ERC1: variants seen among roughly 807,000 people sequenced by gnomAD.
ERC1 encodes the protein ELKS/RAB6-interacting/CAST family member 1.
Under a neutral mutation model 132.0 loss-of-function variants are expected in ERC1, and 56 were observed. The observed-to-expected ratio is 0.42, with a 90% CI of 0.34 to 0.53. The LOEUF is 0.53. ERC1 is among the 20% of genes least tolerant of loss of function. The probability of loss-of-function intolerance (pLI) is 0.03; values close to 1 mark genes in which losing one functional copy is unlikely to be tolerated. For missense variants in ERC1, 1,202 were observed against 1,349.9 expected, an observed-to-expected ratio of 0.89 and a Z score of 1.72; for synonymous variants, 478 against 476.1, an observed-to-expected ratio of 1.00 and a Z score of -0.05.
At chr12:1,473,948 G>C (rs2093919601) in intron 18 of ERC1, among the ~76,000 whole-genome samples, 1 of 152,214 alleles carries the variant, frequency 6.6e-6, no homozygotes, top group African/African-American at 2.4e-5. Flanking sequence ...AGGGATTCCA[G>C]ATCCCTCTGA....
intron 18 of ERC1, among the ~76,000 whole-genome samples, chr12:1,480,107 TAAATA>T (rs1310527702): frequency 2.1e-5 from 3 of 143,168 alleles, no homozygotes; most frequent in African/African-American, 2.7e-5. Flanking sequence ...TTTTTTTTTT[TAAATA>T]AAATCTTGCA....
rs565667706 is a variant in ERC1 at position 1,269,813 on chromosome 12, C to T, written c.2619+6648C>T. On this transcript the variant is annotated intron_variant, in intron 14 of 18. Coordinates refer to ENST00000360905, the MANE Select transcript of ERC1 (RefSeq NM_178040.4). ...AAGGCACCTAAGGTGTGCAGATTCT[C>T]CTTTTTCATTTTCCCCTTCACGGTT... 4.6e-5 allele frequency among the ~76,000 whole-genome samples: 7 copies of T among 152,282 alleles called. No homozygotes were observed. In the South Asian group the frequency reaches 1.2e-3, roughly 27 times the overall value.
intron 8 of ERC1, among the ~76,000 whole-genome samples, chr12:1,161,417 A>G (rs1951875651): frequency 6.6e-6 from 1 of 152,146 alleles, no homozygotes; most frequent in Non-Finnish European, 1.5e-5. Context: ...CTGCTTTTAA[A>G]CATTCGTAAT....
chr12:1,146,310 T>TTTTTG (rs1950347490), intron 8 of ERC1, among the ~76,000 whole-genome samples: 1 of 121,086 alleles, frequency 8.3e-6, no homozygotes. Flanking sequence ...TTTTACTGGT[T>TTTTTG]TTTTTTTTTT....
chr12:1,434,777 C>T (rs1213419727), intron 17 of ERC1, among the ~76,000 whole-genome samples: 1 of 152,200 alleles, frequency 6.6e-6, no homozygotes, highest in Non-Finnish European at 1.5e-5. Context: ...AATCTTGAAA[C>T]ATCAGCCACC....
chr12:1,283,380 A>G (rs576252726), intron 14 of ERC1, among the ~76,000 whole-genome samples: 103 of 152,082 alleles, frequency 6.8e-4, no homozygotes, highest in African/African-American at 2.4e-3. Flanking sequence ...CTTTTCTTCT[A>G]CTCATCGGTC....
chr12:1,345,779 C>G (rs2084391530), intron 15 of ERC1, among the ~76,000 whole-genome samples: 1 of 152,124 alleles, frequency 6.6e-6, no homozygotes, highest in Non-Finnish European at 1.5e-5. Flanking sequence ...CACATTTTCC[C>G]TATCCCTGAA....
rs187604098 is a variant in ERC1, at chr12:1,447,167, A to G, written c.3213+2417A>G. Among the ~76,000 whole-genome samples, 4 of 152,298 alleles carry G rather than the reference A, an allele frequency of 2.6e-5. No homozygotes were observed. In the East Asian group the frequency reaches 5.8e-4, roughly 22 times the overall value. On this transcript the variant is annotated intron_variant, in intron 18 of 18. Transcript: ENST00000360905. ...CAAAAGCCCATTGGAAACAAGGCAC[A>G]TGGCTATTCATTTTAGAGACTTTTG... is the stretch of plus-strand genomic sequence containing the variant.
intron 16 of ERC1, among the ~76,000 whole-genome samples, chr12:1,394,403 CAAAAAAA>C (rs2090354912): frequency 1.3e-5 from 2 of 151,592 alleles, no homozygotes; most frequent in Non-Finnish European, 1.5e-5. Flanking sequence ...CCTCTAAAAA[CAAAAAAA>C]GAAAAAAGAA....
chr12:1,062,262 G>A (rs1938158208), intron 2 of ERC1, among the ~76,000 whole-genome samples: 1 of 152,034 alleles, frequency 6.6e-6, no homozygotes, highest in Non-Finnish European at 1.5e-5. Flanking sequence ...GATTACAGGT[G>A]TGAGCCAATG....
rs12229687 is a variant in ERC1, at chr12:1,190,885, G to T, written c.2351+833G>T. On this transcript the variant is annotated intron_variant, in intron 12 of 18. Transcript: ENST00000360905. ...TGGCCTTTTGAGGACTGATCCTTAAGAATAATTTTTTTTTTTTTATGATCT... is the reference window on the plus strand; with the variant it reads ...TGGCCTTTTGAGGACTGATCCTTAATAATAATTTTTTTTTTTTTATGATCT... Among the ~76,000 whole-genome samples, 18 of 127,374 alleles carry T rather than the reference G, an allele frequency of 1.4e-4. No individual in the cohort carries two copies. In the East Asian group the frequency reaches 3.4e-3, roughly 24 times the overall value. 83.6% of individuals were successfully genotyped at this position (127,374 alleles called of 152,430 possible). A position where few individuals can be genotyped will look rare whatever the true frequency, so the allele number is the denominator to read the frequency against.
At chr12:1,065,480 T>TGTGTGTGTGTGTG (rs1938951655) in intron 2 of ERC1, among the ~76,000 whole-genome samples, 3 of 124,922 alleles carry the variant, frequency 2.4e-5, no homozygotes, top group Non-Finnish European at 5.0e-5. Flanking sequence ...TTTGTACCGT[T>TGTGTGTGTGTGTG]TGTGTGTGTG....
At chr12:1,340,718 G>A (rs1021360597) in intron 15 of ERC1, among the ~76,000 whole-genome samples, 2 of 152,022 alleles carry the variant, frequency 1.3e-5, no homozygotes, top group African/African-American at 2.4e-5. Context: ...TCGGTTTCTC[G>A]CTGGCAGCTG....
chr12:1,394,949 A>G (rs970020080), intron 16 of ERC1, among the ~76,000 whole-genome samples: 6 of 152,238 alleles, frequency 3.9e-5, no homozygotes, highest in African/African-American at 1.4e-4. Flanking sequence ...GATTTTTAGA[A>G]TAACAGAATG....
At chr12:1,179,287 A>G (rs2154269599) in intron 8 of ERC1, among the ~76,000 whole-genome samples, 2 of 152,206 alleles carry the variant, frequency 1.3e-5, no homozygotes, top group Admixed American at 1.3e-4. Flanking sequence ...TTGCATGCTG[A>G]CACTGCCAAC....
chr12:1,326,453 G>A (rs1201170174), intron 15 of ERC1, among the ~76,000 whole-genome samples: 1 of 152,148 alleles, frequency 6.6e-6, no homozygotes, highest in East Asian at 1.9e-4. Flanking sequence ...CAATTCATCT[G>A]TGTCAAAAAA....
chr12:1,018,494 C>T (rs562805146), intron 1 of ERC1, among the ~76,000 whole-genome samples: 30 of 152,302 alleles, frequency 2.0e-4, no homozygotes, highest in East Asian at 9.7e-4. Flanking sequence ...GGGTTACAGG[C>T]GTGAGCCACC....
rs1392429687 is a variant in ERC1, at chr12:1,492,113, C to T, written c.*1883C>T. On this transcript the variant is annotated 3_prime_UTR_variant, in exon 19 of 19. Coordinates refer to ENST00000360905, the MANE Select transcript of ERC1 (RefSeq NM_178040.4). ...CCCTACTCCCTGCTGTGAAACAATC[C>T]CTCTCCCTGTGAGAGGAAACTGTGG... The T allele has an allele frequency of 2.6e-5, 6 of 232,922 alleles. No homozygotes were observed. Among genetic ancestry groups the T allele is most frequent in the Non-Finnish European group, 5.1e-5 (6 of 117,908 alleles). The allele number at this position is 232,922 out of a possible 1,614,324, so 14.4% of individuals were successfully genotyped here. A position where few individuals can be genotyped will look rare whatever the true frequency, so the allele number is the denominator to read the frequency against.
At chr12:1,453,404 G>A (rs530647927) in intron 18 of ERC1, among the ~76,000 whole-genome samples, 1 of 152,284 alleles carries the variant, frequency 6.6e-6, no homozygotes, top group East Asian at 1.9e-4. Context: ...AGGCCATGAA[G>A]GTTGCTGCCC....
Sources: gnomAD v4.1 joint callset for allele counts (sites outside exome capture counted in the v4.1 genomes callset) on GRCh38, gnomAD v4.1.1 for gene constraint, MANE v1.5 for transcripts, NCBI Gene and HGNC (gene_info 2026-07-23, HGNC 2026-07-21) for gene names.